Variants in SCAMP1 observed in about 807,000 individuals in gnomAD.
SCAMP1 encodes secretory carrier membrane protein 1.
SCAMP1 carries 15 observed loss-of-function variants against 41.8 expected under a neutral mutation model. The observed-to-expected ratio is 0.36, with a 90% CI of 0.24 to 0.55. The LOEUF is 0.55. Among genes scored for constraint, SCAMP1 ranks in the 20% least tolerant of loss-of-function variants. The probability of loss-of-function intolerance (pLI) is 0.86; values close to 1 mark genes in which losing one functional copy is unlikely to be tolerated. For missense variants in SCAMP1, 341 were observed against 412.6 expected, an observed-to-expected ratio of 0.83 and a Z score of 1.50; for synonymous variants, 135 against 136.8, an observed-to-expected ratio of 0.99 and a Z score of 0.09.
chr5:78,448,208 TAAAA>T (rs1561281048), intron 6 of SCAMP1, among the ~76,000 whole-genome samples: 1 of 141,330 alleles, frequency 7.1e-6, no homozygotes, highest in Non-Finnish European at 1.5e-5. Flanking sequence ...TGTTTTTTTT[TAAAA>T]TAAAGATGGG....
In SCAMP1 at chr5:78,479,657, T is replaced by C. The variant is rs559351763; in HGVS notation, c.*3989T>C. Among the ~76,000 whole-genome samples, 59 of 152,304 alleles carry C rather than the reference T, an allele frequency of 3.9e-4. No individual in the cohort carries two copies. The highest frequency in any genetic ancestry group is 1.4e-3 in the African/African-American group (57 of 41,572). ...CTCTTATTTGAAGATTGTAGGAAAA[T>C]AGAGAAAGACTGTTCTCCAGTTTTC... On this transcript the variant is annotated 3_prime_UTR_variant, in exon 9 of 9. Transcript: ENST00000621999.
chr5:78,363,220 T>A (rs868356695), intron 1 of SCAMP1, among the ~76,000 whole-genome samples: 1 of 145,384 alleles, frequency 6.9e-6, no homozygotes, highest in Non-Finnish European at 1.5e-5. Context: ...TCTTTCTTTC[T>A]TTTTTTTTTT....
chr5:78,452,291 G>C (rs937497843), intron 7 of SCAMP1, among the ~76,000 whole-genome samples: 2 of 143,894 alleles, frequency 1.4e-5, no homozygotes, highest in Non-Finnish European at 3.0e-5. Flanking sequence ...CCACTAACTC[G>C]TCATCTAGCA....
At chr5:78,416,389 T>G (rs948212646) in intron 3 of SCAMP1, among the ~76,000 whole-genome samples, 152 bp from the exon 4 acceptor site, 2 of 152,226 alleles carry the variant, frequency 1.3e-5, no homozygotes, top group Non-Finnish European at 2.9e-5. Context: ...TCATAATATT[T>G]TCTGTAACTA....
chr5:78,457,293 GT>G (rs1753437180), intron 7 of SCAMP1, among the ~76,000 whole-genome samples: 1 of 152,174 alleles, frequency 6.6e-6, no homozygotes, highest in Non-Finnish European at 1.5e-5. Flanking sequence ...TTTCTGTTCT[GT>G]TTTTTCCCCG....
intron 2 of SCAMP1, among the ~76,000 whole-genome samples, chr5:78,414,507 T>C (rs866894967): frequency 5.3e-5 from 8 of 152,230 alleles, no homozygotes; most frequent in South Asian, 2.1e-4. Flanking sequence ...GGTCTCGAAC[T>C]CCTGACTTTG....
chr5:78,414,533 G>A (rs1028943201), intron 2 of SCAMP1, among the ~76,000 whole-genome samples: 2 of 152,096 alleles, frequency 1.3e-5, no homozygotes, highest in Admixed American at 6.5e-5. Context: ...CACTTGCCTC[G>A]GCCTCCCAAA....
intron 2 of SCAMP1, among the ~76,000 whole-genome samples, chr5:78,414,376 G>A (rs1309236538): frequency 9.2e-5 from 14 of 151,764 alleles, no homozygotes; most frequent in East Asian, 7.7e-4. Context: ...TCCGCCTCCC[G>A]GGTTCAAGCG....
chr5:78,399,251 G>A (rs1751739999), intron 2 of SCAMP1, among the ~76,000 whole-genome samples: 1 of 152,128 alleles, frequency 6.6e-6, no homozygotes, highest in African/African-American at 2.4e-5. Context: ...CCAAATTTTG[G>A]CAGTGATGAA....
intron 6 of SCAMP1, among the ~76,000 whole-genome samples, chr5:78,442,280 G>A (rs1752944298): frequency 1.3e-5 from 2 of 152,148 alleles, no homozygotes; most frequent in African/African-American, 4.8e-5. Context: ...TTGTTTGTTT[G>A]TTTGTTTTGA....
intron 1 of SCAMP1, among the ~76,000 whole-genome samples, chr5:78,367,849 T>TGG (rs1317423767): frequency 6.6e-6 from 1 of 152,202 alleles, no homozygotes; most frequent in Non-Finnish European, 1.5e-5. Flanking sequence ...TCCCCTACAT[T>TGG]GGGGACAATG....
intron 7 of SCAMP1, among the ~76,000 whole-genome samples, chr5:78,451,987 T>C (rs987773910): frequency 6.6e-6 from 1 of 152,164 alleles, no homozygotes. Context: ...TTCTATGATA[T>C]GGATGTATCA....
intron 2 of SCAMP1, among the ~76,000 whole-genome samples, chr5:78,389,478 A>T (rs1751433347): frequency 6.6e-6 from 1 of 152,170 alleles, no homozygotes; most frequent in African/African-American, 2.4e-5. Context: ...TATGTTCCCC[A>T]GGCTGGTCTT....
At chr5:78,421,992 T>TA in intron 6 of SCAMP1, 32 bp downstream of exon 6, 2 of 1,554,538 alleles carry the variant, frequency 1.3e-6, no homozygotes, top group Non-Finnish European at 1.8e-6. Context: ...ATACACTCTT[T>TA]AAAACCTGTG....
At chr5:78,365,212 C>T (rs935931129) in intron 1 of SCAMP1, among the ~76,000 whole-genome samples, 6 of 152,014 alleles carry the variant, frequency 3.9e-5, no homozygotes, top group Admixed American at 1.3e-4. Context: ...CAGTGGCTCA[C>T]GCCTGTAATC....
chr5:78,447,860 TG>T (rs1753093511), intron 6 of SCAMP1, among the ~76,000 whole-genome samples: 4 of 50,416 alleles, frequency 7.9e-5, no homozygotes, highest in African/African-American at 1.6e-4. Context: ...CCTCCTCCCC[TG>T]CCCCCCTTCC....
chr5:78,415,414 GAGATGC>G, intron 2 of SCAMP1, 100 bp from the exon 3 acceptor site: 1 of 660,426 alleles, frequency 1.5e-6, no homozygotes, highest in Non-Finnish European at 2.7e-6. Context: ...AGGGAATGAA[GAGATGC>G]AGATTTTGGG....
rs564868582 is a variant in SCAMP1 at position 78,421,656 on chromosome 5, C to T, written c.473-145C>T. 18 of 716,818 alleles carry T rather than the reference C, an allele frequency of 2.5e-5. No individual in the cohort carries two copies. In the South Asian group the frequency reaches 3.4e-4, roughly 13 times the overall value. The allele number at this position is 716,818 out of a possible 1,614,324, so 44.4% of individuals were successfully genotyped here. ...TTCAAATCAAATATGTAAGATACAA[C>T]AGTGTTTTGAAAAATATAAATGGAA... On this transcript the variant is annotated intron_variant, in intron 5 of 8. Transcript: ENST00000621999.
rs1751950018 is a variant in SCAMP1, at chr5:78,406,941, C to T, written c.136-8579C>T. 2.0e-5 allele frequency among the ~76,000 whole-genome samples: 3 copies of T among 152,306 alleles called. No individual in the cohort carries two copies. In the South Asian group the frequency reaches 6.2e-4, roughly 32 times the overall value. ...TTCTTTGTCTCCAACTCTGCACACT[C>T]TGCTTTTCTCAGTACTTCAAGTTTT... On this transcript the variant is annotated intron_variant, in intron 2 of 8. Coordinates refer to ENST00000621999, the MANE Select transcript of SCAMP1 (RefSeq NM_004866.6).
Sources: allele counts gnomAD v4.1 joint callset (sites outside exome capture counted in the v4.1 genomes callset), GRCh38; gene constraint gnomAD v4.1.1; transcripts MANE v1.5; gene names NCBI Gene and HGNC (gene_info 2026-07-23, HGNC 2026-07-21).